Variants in PCSK6 observed in about 807,000 individuals in gnomAD.
PCSK6 encodes proprotein convertase subtilisin/kexin type 6, also known as paired basic amino acid cleaving enzyme 4.
A neutral mutation model predicts 123.3 loss-of-function variants in PCSK6; 85 were observed. The ratio of observed to expected loss-of-function variants is 0.69; its 90% CI spans 0.58 to 0.83. The LOEUF is 0.83. Among genes scored for constraint, PCSK6 ranks in the 40% least tolerant of loss-of-function variants. The pLI, the probability that PCSK6 is intolerant of heterozygous loss-of-function variation, is 0.00. For missense variants in PCSK6, 1,191 were observed against 1,282.3 expected (o/e 0.93, Z 1.09); for synonymous variants, 508 against 516.0 (o/e 0.98, Z 0.21).
intron 13 of PCSK6, among the ~76,000 whole-genome samples, chr15:101,350,057 C>T (rs1044500185): frequency 7.2e-5 from 11 of 152,126 alleles, no homozygotes; most frequent in African/African-American, 1.4e-4. Flanking sequence ...TACAGGTGCA[C>T]GCCACCATGC....
intron 13 of PCSK6, among the ~76,000 whole-genome samples, chr15:101,348,599 G>A (rs2040806503): frequency 6.6e-6 from 1 of 152,182 alleles, no homozygotes. Context: ...TGGTGTTTCT[G>A]ATGTTATAGG....
intron 2 of PCSK6, among the ~76,000 whole-genome samples, chr15:101,443,009 T>G (rs1290153369): frequency 1.3e-5 from 2 of 152,220 alleles, no homozygotes; most frequent in South Asian, 2.1e-4. Flanking sequence ...ACATAACTGT[T>G]GATTGATCTT....
At chr15:101,351,147 C>T (rs2040879975) in intron 13 of PCSK6, among the ~76,000 whole-genome samples, 1 of 152,138 alleles carries the variant, frequency 6.6e-6, no homozygotes, top group South Asian at 2.1e-4. Context: ...TCTTCAGTGA[C>T]GTCACGTGAA....
intron 7 of PCSK6, among the ~76,000 whole-genome samples, chr15:101,397,136 G>A (rs1340379139): frequency 6.6e-6 from 1 of 152,176 alleles, no homozygotes; most frequent in African/African-American, 2.4e-5. Context: ...CAGGGTTTCG[G>A]CAGGGCAGCA....
intron 6 of PCSK6, among the ~76,000 whole-genome samples, chr15:101,425,118 T>C (rs1172393452): frequency 6.6e-6 from 1 of 152,124 alleles, no homozygotes; most frequent in African/African-American, 2.4e-5. Context: ...CGGCAGGACT[T>C]GACTACCCGT....
At chr15:101,334,825 G>A (rs910872196) in intron 13 of PCSK6, among the ~76,000 whole-genome samples, 1 of 152,182 alleles carries the variant, frequency 6.6e-6, no homozygotes, top group African/African-American at 2.4e-5. Flanking sequence ...TGTGCACTGT[G>A]TGGAAAAAGA....
chr15:101,477,400 A>G (rs2057759569), intron 1 of PCSK6, among the ~76,000 whole-genome samples: 1 of 152,234 alleles, frequency 6.6e-6, no homozygotes, highest in African/African-American at 2.4e-5. Flanking sequence ...TCAACAAGTG[A>G]ACATAACACA....
At position 101,305,073 on chromosome 15, in the gene PCSK6, T is replaced by C. The variant is rs1567131893; in HGVS notation, c.*185A>G. The C allele has an allele frequency of 1.7e-6, 1 of 581,036 alleles. No individual in the cohort carries two copies. The highest frequency in any genetic ancestry group is 3.1e-6 in the Non-Finnish European group (1 of 324,932). The allele number at this position is 581,036 out of a possible 1,614,324, so 36.0% of individuals were successfully genotyped here. On this transcript the variant is annotated 3_prime_UTR_variant, in exon 22 of 22. Coordinates refer to ENST00000611716, the MANE Select transcript of PCSK6 (RefSeq NM_002570.5). This position sits in a 1 kb window ranked among gnomAD's most constrained non-coding sequence, Gnocchi z 4.8. ...GCAGCATTTGAGAGGATATCACCATTTTAGGAACACCTCCTTAAGAGCCAC... is the reference window on the plus strand; with the variant it reads ...GCAGCATTTGAGAGGATATCACCATCTTAGGAACACCTCCTTAAGAGCCAC...
chr15:101,384,224 A>G, intron 10 of PCSK6, 98 bp downstream of exon 10: 3 of 1,539,736 alleles, frequency 1.9e-6, no homozygotes, highest in Middle Eastern at 1.7e-4. Context: ...AATAATAACA[A>G]CTAATGCTAT....
At chr15:101,436,209 G>C (rs1312324425) in intron 2 of PCSK6, among the ~76,000 whole-genome samples, 2 of 152,186 alleles carry the variant, frequency 1.3e-5, no homozygotes, top group Admixed American at 1.3e-4. Flanking sequence ...GAGCTGGAGA[G>C]TCCTAAAAGG....
intron 1 of PCSK6, among the ~76,000 whole-genome samples, chr15:101,456,491 G>A (rs574503014): frequency 5.9e-5 from 9 of 152,264 alleles, no homozygotes; most frequent in South Asian, 4.1e-4. Context: ...GCAGCTGCTC[G>A]AGCCAGGTAT....
intron 1 of PCSK6, among the ~76,000 whole-genome samples, chr15:101,476,611 TA>T (rs2057738280): frequency 6.7e-6 from 1 of 150,286 alleles, no homozygotes; most frequent in Admixed American, 6.6e-5. Context: ...TATGCGCACG[TA>T]TCTGTCTGTT....
chr15:101,381,699 T>C (rs2041913947), intron 11 of PCSK6, among the ~76,000 whole-genome samples: 1 of 152,148 alleles, frequency 6.6e-6, no homozygotes, highest in East Asian at 1.9e-4. Flanking sequence ...ACAGCTCCAA[T>C]CTCTAGCCGG....
At chr15:101,462,987 G>A (rs1031876072) in intron 1 of PCSK6, 5 of 456,156 alleles carry the variant, frequency 1.1e-5, no homozygotes, top group Admixed American at 4.7e-5. Context: ...GCAGAGGAGG[G>A]CCGTTTCCTC....
In PCSK6 at chr15:101,418,519, G is replaced by GA. The variant is rs200304549; in HGVS notation, c.823+9372dup. ...ATGAAAGAAAAAGTTTCCAATTTAG[G>GA]ATTTTTTTTTTTTTTTTTTTGAGGC... On this transcript the variant is annotated intron_variant, in intron 6 of 21. Coordinates refer to ENST00000611716, the MANE Select transcript of PCSK6 (RefSeq NM_002570.5). Among the ~76,000 whole-genome samples the GA allele has an allele frequency of 9.4e-3, 1,337 of 141,676 alleles. 30 individuals carry two copies. Among genetic ancestry groups the GA allele is most frequent in the Admixed American group, 0.043 (630 of 14,492 alleles). The allele number at this position is 141,676 out of a possible 152,430, so 92.9% of individuals were successfully genotyped here. A position where few individuals can be genotyped will look rare whatever the true frequency, so the allele number is the denominator to read the frequency against.
intron 13 of PCSK6, among the ~76,000 whole-genome samples, chr15:101,357,982 C>T (rs1292128970): frequency 6.6e-6 from 1 of 152,216 alleles, no homozygotes; most frequent in African/African-American, 2.4e-5. Flanking sequence ...CTCTGCTCTG[C>T]ACTCATGGAA....
At chr15:101,392,105 C>T (rs745522003) in intron 8 of PCSK6, among the ~76,000 whole-genome samples, 1 of 152,194 alleles carries the variant, frequency 6.6e-6, no homozygotes, top group Non-Finnish European at 1.5e-5. Flanking sequence ...AAATTCGAAC[C>T]TGCATCCATT....
chr15:101,389,231 C>T (rs909575970), intron 9 of PCSK6, among the ~76,000 whole-genome samples: 4 of 152,130 alleles, frequency 2.6e-5, no homozygotes, highest in African/African-American at 9.7e-5. Context: ...GACTCTGTTA[C>T]GGCAGCCTGA....
intron 13 of PCSK6, among the ~76,000 whole-genome samples, chr15:101,334,762 T>G (rs991069079): frequency 6.6e-6 from 1 of 152,172 alleles, no homozygotes; most frequent in Non-Finnish European, 1.5e-5. Flanking sequence ...TATTTTCAGA[T>G]ATAGTTTTGG....
Sources: allele counts gnomAD v4.1 joint callset (sites outside exome capture counted in the v4.1 genomes callset), GRCh38; gene constraint gnomAD v4.1.1; non-coding constraint Gnocchi (gnomAD v3.1); transcripts MANE v1.5; gene names NCBI Gene and HGNC (gene_info 2026-07-23, HGNC 2026-07-21).